The following FANCE variants were observed in gnomAD, a reference collection of about 807,000 sequenced individuals.
The protein encoded by FANCE is Fanconi anemia group E protein.
FANCE carries 42 observed loss-of-function variants against 57.8 expected under a neutral mutation model. That is an observed-to-expected ratio of 0.73 (90% CI 0.57 to 0.94). FANCE has a LOEUF of 0.94. Ranked by LOEUF, FANCE falls within the 40% of genes least tolerant of loss-of-function variation. The probability of loss-of-function intolerance (pLI) is 0.00; values close to 1 mark genes in which losing one functional copy is unlikely to be tolerated. For missense variants in FANCE, 608 were observed against 661.8 expected (o/e 0.92, Z 0.89); for synonymous variants, 251 against 286.4 (o/e 0.88, Z 1.25).
At chr6:35,460,680 G>A (rs776026880) in intron 8 of FANCE, 62 bp downstream of exon 8, 3 of 1,466,328 alleles carry the variant, frequency 2.0e-6, no homozygotes, top group Admixed American at 1.7e-5. Flanking sequence ...GAAGCACACG[G>A]GGTTCCTGGG....
chr6:35,460,583 A>C lies in FANCE; in HGVS notation c.1348A>C (p.Thr450Pro). 6.2e-7 allele frequency: 1 copy of C among 1,614,030 alleles called. No homozygotes were observed. The highest frequency in any genetic ancestry group is 1.1e-5 in the South Asian group (1 of 91,078). Residue 450 changes from threonine to proline, a missense_variant, in exon 8 of 10, where the codon ACT becomes CCT. Transcript: ENST00000229769. ...CTTGGAGCTGCCCTGGAAGGAGGAA[A>C]CTTTCTTGGTGTTGCAGTCACTCCT... is the stretch of plus-strand genomic sequence containing the variant. ...QILELPWKEE[T>P]FLVLQSLLER...
chr6:35,456,881 T>C lies in FANCE; in HGVS notation c.855+528T>C, dbSNP rs907790057. 6.6e-6 allele frequency among the ~76,000 whole-genome samples: 1 copy of C among 152,124 alleles called. No individual in the cohort carries two copies. The highest frequency in any genetic ancestry group is 1.5e-5 in the Non-Finnish European group (1 of 68,018). ...AGGTGGGAAATGTGTCCTAATGATC[T>C]ATAATGTGGGGTTAAAGGGTGCCAG... On this transcript the variant is annotated intron_variant, in intron 2 of 9. Coordinates refer to ENST00000229769, the MANE Select transcript of FANCE (RefSeq NM_021922.3). This position sits in a 1 kb window ranked among gnomAD's most constrained non-coding sequence, Gnocchi z 4.3.
intron 9 of FANCE, among the ~76,000 whole-genome samples, chr6:35,464,217 A>C (rs922073116): frequency 1.3e-5 from 2 of 150,442 alleles, no homozygotes; most frequent in Non-Finnish European, 2.9e-5. Context: ...ATTTTTCAAA[A>C]ATAGAGACAG....
Position 35,460,618 on chromosome 6 carries a change from G to A in FANCE, c.1383G>A (p.Gln461=), listed in dbSNP as rs1002202388. 2 of 1,613,748 alleles carry A rather than the reference G, an allele frequency of 1.2e-6. No homozygotes were observed. The highest frequency in any genetic ancestry group is 1.7e-5 in the Admixed American group (1 of 60,008). Residue 461 remains glutamine, a splice_region_variant and synonymous_variant, in exon 8 of 10, where the codon CAG becomes CAA. Coordinates refer to ENST00000229769, the MANE Select transcript of FANCE (RefSeq NM_021922.3). Reference sequence around the variant, plus strand: ...TGTTGCAGTCACTCCTAGAGCGGCAGGTGAGCAGGCTGCCCTGGGGAAGAG... The same window carrying A: ...TGTTGCAGTCACTCCTAGAGCGGCAAGTGAGCAGGCTGCCCTGGGGAAGAG... ...FLVLQSLLER[Q]VEMTPEKFSV...
In FANCE at chr6:35,455,765, A is replaced by G. The variant is rs2150889824; in HGVS notation, c.267A>G (p.Arg89=). 1 of 1,614,038 alleles carries G rather than the reference A, an allele frequency of 6.2e-7. No individual in the cohort carries two copies. Among genetic ancestry groups the G allele is most frequent in the Non-Finnish European group, 8.5e-7 (1 of 1,180,016 alleles). The change falls in exon 2 of 10, where the codon CGA becomes CGG. Residue 89 remains arginine, a synonymous_variant. Transcript: ENST00000229769. Reference sequence around the variant, plus strand: ...TACCCAGGAAACCACTGTTGCTGCGATTGCCCCGGATATGCCAGAGGAACC... The same window carrying G: ...TACCCAGGAAACCACTGTTGCTGCGGTTGCCCCGGATATGCCAGAGGAACC... ...GRLELKPLLL[R]LPRICQRNLM... is the part of the protein sequence containing the mutation.
chr6:35,461,898 C>T (rs1034836406), intron 8 of FANCE, among the ~76,000 whole-genome samples: 1 of 151,840 alleles, frequency 6.6e-6, no homozygotes, highest in Non-Finnish European at 1.5e-5. Flanking sequence ...CCACCGGCCT[C>T]GGCCTTCCAA....
intron 9 of FANCE, among the ~76,000 whole-genome samples, chr6:35,466,032 C>T (rs151280447): frequency 4.5e-4 from 68 of 152,326 alleles, no homozygotes; most frequent in African/African-American, 1.5e-3. Context: ...TCAACTGTTA[C>T]TAATGTGGCC....
chr6:35,454,567 CA>C (rs1767248689), intron 1 of FANCE, among the ~76,000 whole-genome samples: 1 of 152,178 alleles, frequency 6.6e-6, no homozygotes, highest in Non-Finnish European at 1.5e-5. Context: ...CACCACGCCT[CA>C]GGTCACGTAG....
rs763901538 is a variant in FANCE at position 35,456,569 on chromosome 6, C to T, written c.855+216C>T. Among the ~76,000 whole-genome samples, 1 of 151,670 alleles carries T rather than the reference C, an allele frequency of 6.6e-6. No individual in the cohort carries two copies. Among genetic ancestry groups the T allele is most frequent in the Non-Finnish European group, 1.5e-5 (1 of 67,964 alleles). ...TGCTCTTGTTGCCCAGGCTGGAGTTCAATGGCATGATCTCAGCTCACCGCA... is the reference window on the plus strand; with the variant it reads ...TGCTCTTGTTGCCCAGGCTGGAGTTTAATGGCATGATCTCAGCTCACCGCA... On this transcript the variant is annotated intron_variant, in intron 2 of 9. Transcript: ENST00000229769. The surrounding 1 kb of genome is among the most constrained non-coding windows in gnomAD (Gnocchi z 4.3).
intron 2 of FANCE, 144 bp from the exon 3 acceptor site, chr6:35,457,412 C>A: frequency 1.2e-6 from 1 of 820,734 alleles, no homozygotes; most frequent in Non-Finnish European, 2.0e-6. Flanking sequence ...TGAGCCACCG[C>A]GCTTGGCCTC....
At chr6:35,463,684 C>T (rs1459273688) in intron 9 of FANCE, among the ~76,000 whole-genome samples, 5 of 132,342 alleles carry the variant, frequency 3.8e-5, no homozygotes, top group African/African-American at 1.3e-4. Flanking sequence ...TTTTTTGAGT[C>T]GGAGTCTCGC....
chr6:35,464,724 T>C (rs192255724), intron 9 of FANCE, among the ~76,000 whole-genome samples: 1 of 146,624 alleles, frequency 6.8e-6, no homozygotes, highest in Admixed American at 6.9e-5. Flanking sequence ...CTGTGAGAGA[T>C]ATTCTTTTTT....
chr6:35,466,552 C>T lies in FANCE; in HGVS notation c.*207C>T, dbSNP rs1409639705. The T allele has an allele frequency of 3.5e-6, 2 of 576,178 alleles. No individual in the cohort carries two copies. Among genetic ancestry groups the T allele is most frequent in the Non-Finnish European group, 6.2e-6 (2 of 324,004 alleles). The allele number at this position is 576,178 out of a possible 1,614,324, so 35.7% of individuals were successfully genotyped here. A position where few individuals can be genotyped will look rare whatever the true frequency, so the allele number is the denominator to read the frequency against. On this transcript the variant is annotated 3_prime_UTR_variant, in exon 10 of 10. Transcript: ENST00000229769. The stretch of plus-strand genomic sequence containing the variant: ...AGGCTCCTGGGCTAAGGGAGCTCAG[C>T]TATATTTTCTTTTTCATTTCTTTTG...
Position 35,466,757 on chromosome 6 carries a change from G to T in FANCE, c.*412G>T. The T allele has an allele frequency of 3.0e-6, 1 of 335,744 alleles. No individual in the cohort carries two copies. Among genetic ancestry groups the T allele is most frequent in the African/African-American group, 2.1e-5 (1 of 47,144 alleles). The allele number at this position is 335,744 out of a possible 1,614,324, so 20.8% of individuals were successfully genotyped here. ...TTTTTTATTTTGTAGATAATATGCT[G>T]GTCAGGGCTGGTCTTGAACTCCTGA... On this transcript the variant is annotated 3_prime_UTR_variant, in exon 10 of 10. Transcript: ENST00000229769.
intron 3 of FANCE, 94 bp downstream of exon 3, chr6:35,457,694 A>G (rs1767404858): frequency 1.4e-6 from 2 of 1,424,572 alleles, no homozygotes; most frequent in Non-Finnish European, 9.8e-7. Context: ...GTGATATACA[A>G]GCTGGCTGGG....
At chr6:35,461,595 T>C (rs1219880227) in intron 8 of FANCE, among the ~76,000 whole-genome samples, 1 of 152,082 alleles carries the variant, frequency 6.6e-6, no homozygotes, top group Non-Finnish European at 1.5e-5. Context: ...TTTTTTCATA[T>C]CAGTACCTGA....
chr6:35,452,815 C>CA, intron 1 of FANCE, 22 bp downstream of exon 1: 2 of 1,304,940 alleles, frequency 1.5e-6, no homozygotes, highest in South Asian at 2.2e-5. Flanking sequence ...CCCGCGGCCC[C>CA]TTAGCAGGTA....
At chr6:35,455,682 GC>G (rs1173072826) in intron 1 of FANCE, 64 bp from the exon 2 acceptor site, 2 of 1,596,350 alleles carry the variant, frequency 1.3e-6, no homozygotes, top group African/African-American at 2.7e-5. Flanking sequence ...CCCCAGCTCT[GC>G]CCAGTCTGCC....
intron 8 of FANCE, among the ~76,000 whole-genome samples, chr6:35,461,733 T>G (rs1338588031): frequency 1.3e-5 from 2 of 151,520 alleles, no homozygotes; most frequent in Non-Finnish European, 2.9e-5. Context: ...CTGCAAGCTC[T>G]GCCTCCCGGG....
Sources: gnomAD v4.1 joint callset for allele counts (sites outside exome capture counted in the v4.1 genomes callset) on GRCh38, gnomAD v4.1.1 for gene constraint, Gnocchi (gnomAD v3.1) non-coding constraint, MANE v1.5 for transcripts, NCBI Gene and HGNC (gene_info 2026-07-23, HGNC 2026-07-21) for gene names.